Variants in MOB3B observed in about 807,000 individuals in gnomAD.
MOB3B encodes the protein MOB kinase activator 3B, also known as MOB kinase activator-like 2B.
In MOB3B, 7 loss-of-function variants were observed where a neutral mutation model predicts 18.7. That is an observed-to-expected ratio of 0.37 (90% CI 0.21 to 0.70). The LOEUF is 0.70. Ranked by LOEUF, MOB3B falls within the 30% of genes least tolerant of loss-of-function variation. The pLI is 0.52. For synonymous variants in MOB3B, 111 were observed against 99.9 expected (o/e 1.11, Z -0.66); for missense variants, 253 against 281.3 (o/e 0.90, Z 0.72).
chr9:27,375,659 T>C (rs761047414), intron 2 of MOB3B, among the ~76,000 whole-genome samples: 73 of 152,262 alleles, frequency 4.8e-4, no homozygotes, highest in Middle Eastern at 6.8e-3. Flanking sequence ...CCATGCATCC[T>C]GAGGAGCCTC....
At chr9:27,494,218 C>T (rs549115608) in intron 1 of MOB3B, among the ~76,000 whole-genome samples, 3 of 152,228 alleles carry the variant, frequency 2.0e-5, no homozygotes, top group East Asian at 1.9e-4. Context: ...CAATGGTGCC[C>T]GAAACTTCAT....
intron 2 of MOB3B, among the ~76,000 whole-genome samples, chr9:27,407,747 T>C (rs1460736344): frequency 6.6e-6 from 1 of 152,144 alleles, no homozygotes; most frequent in Non-Finnish European, 1.5e-5. Flanking sequence ...GGAGAGGCTA[T>C]CTGGGCACTG....
intron 1 of MOB3B, among the ~76,000 whole-genome samples, chr9:27,469,209 C>T (rs1819434830): frequency 6.6e-6 from 1 of 152,118 alleles, no homozygotes; most frequent in South Asian, 2.1e-4. Flanking sequence ...CTCAAGCAGT[C>T]CTCCTGCCTC....
intron 2 of MOB3B, among the ~76,000 whole-genome samples, chr9:27,362,340 T>A (rs1821285126): frequency 6.6e-6 from 1 of 152,158 alleles, no homozygotes; most frequent in Non-Finnish European, 1.5e-5. Context: ...GTCTTTAGTT[T>A]AAAATCCAGT....
At chr9:27,372,949 T>C (rs559254253) in intron 2 of MOB3B, among the ~76,000 whole-genome samples, 1 of 152,350 alleles carries the variant, frequency 6.6e-6, no homozygotes, top group South Asian at 2.1e-4. Flanking sequence ...GAGGGATATA[T>C]GGGAACTCTG....
At chr9:27,332,926 C>T (rs910691116) in intron 3 of MOB3B, among the ~76,000 whole-genome samples, 1 of 152,152 alleles carries the variant, frequency 6.6e-6, no homozygotes, top group Non-Finnish European at 1.5e-5. Flanking sequence ...AATATGCAAT[C>T]GGATAATACT....
chr9:27,455,984 A>G (rs1822863673), intron 1 of MOB3B, among the ~76,000 whole-genome samples: 2 of 152,138 alleles, frequency 1.3e-5, no homozygotes, highest in South Asian at 4.1e-4. Context: ...TCAAATCTCT[A>G]CTGGCTCTTC....
chr9:27,395,288 A>G (rs1449402917), intron 2 of MOB3B, among the ~76,000 whole-genome samples: 2 of 152,220 alleles, frequency 1.3e-5, no homozygotes, highest in South Asian at 4.1e-4. Flanking sequence ...AAAAGTGTTA[A>G]GAGACTAGAT....
intron 2 of MOB3B, among the ~76,000 whole-genome samples, chr9:27,453,128 G>A (rs1822814847): frequency 6.6e-6 from 1 of 151,988 alleles, no homozygotes; most frequent in Admixed American, 6.6e-5. Flanking sequence ...AATATATACA[G>A]CTTAACGTTT....
At chr9:27,440,838 G>A (rs979888015) in intron 2 of MOB3B, among the ~76,000 whole-genome samples, 4 of 152,198 alleles carry the variant, frequency 2.6e-5, no homozygotes, top group African/African-American at 9.6e-5. Flanking sequence ...ATCAGTACTG[G>A]TGGGTAAATA....
At chr9:27,425,485 T>C (rs1005156598) in intron 2 of MOB3B, among the ~76,000 whole-genome samples, 1 of 152,032 alleles carries the variant, frequency 6.6e-6, no homozygotes, top group Middle Eastern at 3.4e-3. Context: ...GTGATACATA[T>C]AGTACCCATT....
intron 1 of MOB3B, among the ~76,000 whole-genome samples, chr9:27,517,773 T>C (rs1389814098): frequency 7.2e-5 from 11 of 152,060 alleles, no homozygotes; most frequent in Non-Finnish European, 1.6e-4. Flanking sequence ...TAAATATTTA[T>C]TGAGTGTACG....
intron 1 of MOB3B, among the ~76,000 whole-genome samples, chr9:27,495,723 C>T (rs1023018466): frequency 3.3e-5 from 5 of 152,236 alleles, no homozygotes; most frequent in East Asian, 1.9e-4. Context: ...TTCCTGTTTC[C>T]GAATTACTGG....
Position 27,511,364 on chromosome 9 carries a change from C to T in MOB3B, c.-199+18191G>A, listed in dbSNP as rs147777496. On this transcript the variant is annotated intron_variant, in intron 1 of 3. Coordinates refer to ENST00000262244, the MANE Select transcript of MOB3B (RefSeq NM_024761.5). The stretch of plus-strand genomic sequence containing the variant: ...CTTTTTGCAGCCTTGGTTCTTCAGC[C>T]ATAAAATGGGGATAAAATTGTCCAT... 7.1e-3 allele frequency among the ~76,000 whole-genome samples: 1,075 copies of T among 152,170 alleles called. 18 individuals are homozygous for T. The highest frequency in any genetic ancestry group is 0.024 in the African/African-American group (999 of 41,514).
intron 1 of MOB3B, among the ~76,000 whole-genome samples, chr9:27,529,080 G>T (rs1185951028): frequency 1.3e-5 from 2 of 152,122 alleles, no homozygotes; most frequent in African/African-American, 4.8e-5. Flanking sequence ...GCTGCCCCAA[G>T]CCGAGACTCC....
At chr9:27,395,866 C>T (rs1393450705) in intron 2 of MOB3B, among the ~76,000 whole-genome samples, 4 of 152,216 alleles carry the variant, frequency 2.6e-5, no homozygotes, top group Middle Eastern at 3.4e-3. Flanking sequence ...AACAATAGGA[C>T]TCGTTCAAGG....
chr9:27,438,977 C>A (rs567193949), intron 2 of MOB3B, among the ~76,000 whole-genome samples: 1 of 152,086 alleles, frequency 6.6e-6, no homozygotes, highest in African/African-American at 2.4e-5. Flanking sequence ...GGAGCCTCAA[C>A]GGTTTATTGA....
chr9:27,360,480 T>C (rs28539052), intron 2 of MOB3B, among the ~76,000 whole-genome samples: 1 of 152,278 alleles, frequency 6.6e-6, no homozygotes, highest in Admixed American at 6.5e-5. Flanking sequence ...ACTCCAGCCT[T>C]GGCGACAGAG....
chr9:27,487,376 T>G (rs1819745234), intron 1 of MOB3B, among the ~76,000 whole-genome samples: 1 of 151,934 alleles, frequency 6.6e-6, no homozygotes, highest in African/African-American at 2.4e-5. Flanking sequence ...GTAATAAGCT[T>G]TATTACCCTG....
Sources: gnomAD v4.1 joint callset for allele counts (sites outside exome capture counted in the v4.1 genomes callset) on GRCh38, gnomAD v4.1.1 for gene constraint, MANE v1.5 for transcripts, NCBI Gene and HGNC (gene_info 2026-07-23, HGNC 2026-07-21) for gene names.